Variants in MEI4 observed in about 807,000 individuals in gnomAD.
MEI4 encodes the protein meiosis-specific protein MEI4.
Under a neutral mutation model 31.4 loss-of-function variants are expected in MEI4, and 27 were observed. The observed-to-expected ratio is 0.86, with a 90% confidence interval of 0.63 to 1.19. The LOEUF (loss-of-function observed/expected upper bound fraction) is 1.19, where lower values mean the gene tolerates loss of function less well. Among genes scored for constraint, MEI4 ranks in the 50% most tolerant of loss-of-function variants. The pLI, the probability that MEI4 is intolerant of heterozygous loss-of-function variation, is 0.00. For missense variants in MEI4, 329 were observed against 398.9 expected (o/e 0.82, Z 1.49); for synonymous variants, 122 against 145.4 (o/e 0.84, Z 1.16).
intron 4 of MEI4, among the ~76,000 whole-genome samples, chr6:77,914,861 C>A (rs947577046): frequency 2.6e-5 from 4 of 151,988 alleles, no homozygotes; most frequent in Admixed American, 1.3e-4. Context: ...TCTATTTTAT[C>A]AAAGTATCAC....
intron 4 of MEI4, among the ~76,000 whole-genome samples, chr6:77,870,447 AG>A (rs1205511183): frequency 2.0e-5 from 3 of 152,224 alleles, no homozygotes; most frequent in African/African-American, 7.2e-5. Context: ...AATGAACAAA[AG>A]TATCATCACT....
rs542764678 is a variant in MEI4 at position 77,820,935 on chromosome 6, A to G, written c.769-7996A>G. On this transcript the variant is annotated intron_variant, in intron 3 of 4. Transcript: ENST00000684080. This position sits in a 1 kb window ranked among gnomAD's most constrained non-coding sequence, Gnocchi z 4.5. ...TTTTCTTTTTCTTTTTTTGAATTCT[A>G]TTTAAAGATACTATAGCTTCTTATT... Among the ~76,000 whole-genome samples, 4 of 151,608 alleles carry G rather than the reference A, an allele frequency of 2.6e-5. No individual in the cohort carries two copies. Among genetic ancestry groups the G allele is most frequent in the African/African-American group, 4.8e-5 (2 of 41,406 alleles).
intron 4 of MEI4, among the ~76,000 whole-genome samples, chr6:77,871,177 A>T (rs916921407): frequency 1.3e-5 from 2 of 152,086 alleles, no homozygotes; most frequent in African/African-American, 4.8e-5. Context: ...TTTATAAATG[A>T]AGAGACCTCA....
At chr6:77,690,591 T>A (rs1191064805) in intron 1 of MEI4, 67 bp from the exon 2 acceptor site, 1 of 708,140 alleles carries the variant, frequency 1.4e-6, no homozygotes, top group Non-Finnish European at 2.0e-6. Context: ...AAATCAATTT[T>A]AAGCAAATGA....
chr6:77,841,460 C>G (rs1021753248), intron 4 of MEI4, among the ~76,000 whole-genome samples: 13 of 149,624 alleles, frequency 8.7e-5, no homozygotes, highest in African/African-American at 3.2e-4. Flanking sequence ...CTGACTCAGC[C>G]TCCAGAGTAG....
intron 2 of MEI4, among the ~76,000 whole-genome samples, chr6:77,744,599 G>A (rs573213732): frequency 5.1e-4 from 77 of 152,178 alleles, no homozygotes; most frequent in Non-Finnish European, 1.0e-3. Context: ...CCAACATTCA[G>A]ATTCAGGAAA....
At chr6:77,770,913 G>C (rs963989411) in intron 3 of MEI4, among the ~76,000 whole-genome samples, 2 of 152,004 alleles carry the variant, frequency 1.3e-5, no homozygotes, top group Non-Finnish European at 2.9e-5. Context: ...AAAAACAATT[G>C]CAGCAAAAGA....
intron 3 of MEI4, among the ~76,000 whole-genome samples, chr6:77,818,831 A>G (rs1769748447): frequency 2.0e-5 from 3 of 152,080 alleles, no homozygotes; most frequent in Admixed American, 2.0e-4. Context: ...CCTGGGCTCA[A>G]ACAATCTTCA....
In MEI4 at chr6:77,715,569, T is replaced by C. The variant is rs371809136; in HGVS notation, c.232+24666T>C. Among the ~76,000 whole-genome samples, 9 of 152,340 alleles carry C rather than the reference T, an allele frequency of 5.9e-5. No individual in the cohort carries two copies. The East Asian group carries it at 1.7e-3, about 29-fold the overall frequency. On this transcript the variant is annotated intron_variant, in intron 2 of 4. Coordinates refer to ENST00000684080, the MANE Select transcript of MEI4 (RefSeq NM_001322247.2). Reference sequence around the variant, plus strand: ...TGTGCTTCTTTTTCAGAATTAGGCATATTTTTGTTTTGTCTTCCTATGCTA... The same window carrying C: ...TGTGCTTCTTTTTCAGAATTAGGCACATTTTTGTTTTGTCTTCCTATGCTA...
chr6:77,803,821 G>A (rs911644335), intron 3 of MEI4, among the ~76,000 whole-genome samples: 4 of 152,118 alleles, frequency 2.6e-5, no homozygotes, highest in Admixed American at 6.5e-5. Flanking sequence ...CTGCCCGATC[G>A]TTCCTATGGA....
intron 4 of MEI4, among the ~76,000 whole-genome samples, chr6:77,913,130 G>A (rs1766467594): frequency 6.6e-6 from 1 of 152,114 alleles, no homozygotes; most frequent in Admixed American, 6.6e-5. Context: ...GCATTTCTGG[G>A]ATGAATTCTA....
At chr6:77,656,263 A>AT (rs1194172776) in intron 1 of MEI4, among the ~76,000 whole-genome samples, 9 of 152,168 alleles carry the variant, frequency 5.9e-5, no homozygotes, top group Admixed American at 1.3e-4. Flanking sequence ...TAGAAAATAT[A>AT]TTTCAGAGGC....
chr6:77,742,205 C>T (rs372899514), intron 2 of MEI4, among the ~76,000 whole-genome samples: 1 of 151,852 alleles, frequency 6.6e-6, no homozygotes. Flanking sequence ...CACTGACTTC[C>T]ACAAGGGTTG....
In MEI4 at chr6:77,861,144, T is replaced by G. The variant is rs79180156; in HGVS notation, c.900+32082T>G. On this transcript the variant is annotated intron_variant, in intron 4 of 4. Coordinates refer to ENST00000684080, the MANE Select transcript of MEI4 (RefSeq NM_001322247.2). ...CTTCATTGTCTGCCTCTCTTCACTG[T>G]AGCACAATCTCCATTTGTATGTCTT... Among the ~76,000 whole-genome samples, 1,342 of 152,314 alleles carry G rather than the reference T, an allele frequency of 8.8e-3. 13 individuals carry two copies. The highest frequency in any genetic ancestry group is 0.03 in the African/African-American group (1,245 of 41,574).
chr6:77,887,847 A>G (rs1771661460), intron 4 of MEI4, among the ~76,000 whole-genome samples: 1 of 152,162 alleles, frequency 6.6e-6, no homozygotes, highest in Admixed American at 6.5e-5. Context: ...TAAATGACCT[A>G]ATGCTAGGAA....
chr6:77,733,955 T>G (rs1361574780), intron 2 of MEI4, among the ~76,000 whole-genome samples: 7 of 152,118 alleles, frequency 4.6e-5, no homozygotes, highest in Non-Finnish European at 8.8e-5. Context: ...AGATTCTTAT[T>G]CCTGAGTTCT....
chr6:77,726,328 GACACAGTAACAAT>G (rs1766819823), intron 2 of MEI4, among the ~76,000 whole-genome samples: 1 of 151,880 alleles, frequency 6.6e-6, no homozygotes, highest in African/African-American at 2.4e-5. Flanking sequence ...TTTCTACACA[GACACAGTAACAAT>G]CTGATCTCTC....
intron 3 of MEI4, among the ~76,000 whole-genome samples, chr6:77,790,819 TCAAA>T (rs1768903465): frequency 1.3e-5 from 2 of 152,086 alleles, no homozygotes; most frequent in African/African-American, 4.8e-5. Context: ...CATTATGAAC[TCAAA>T]CAAATTTACA....
rs534302989 is a variant in MEI4 at position 77,823,955 on chromosome 6, GTAATTAGTAATTTTT to G, written c.769-4972_769-4958del. 5.3e-5 allele frequency among the ~76,000 whole-genome samples: 8 copies of G among 152,322 alleles called. No homozygotes were observed. The East Asian group carries it at 1.5e-3, about 29-fold the overall frequency. On this transcript the variant is annotated intron_variant, in intron 3 of 4. Coordinates refer to ENST00000684080, the MANE Select transcript of MEI4 (RefSeq NM_001322247.2). Reference sequence around the variant, plus strand: ...AGTTATGTTTCCTTAATTCAGAGTAGTAATTAGTAATTTTTTAAATCTGGCAAGTGGTTGAACACT... The same window carrying G: ...AGTTATGTTTCCTTAATTCAGAGTAGTAAATCTGGCAAGTGGTTGAACACT...
Sources: allele counts gnomAD v4.1 joint callset (sites outside exome capture counted in the v4.1 genomes callset), GRCh38; gene constraint gnomAD v4.1.1; non-coding constraint Gnocchi (gnomAD v3.1); transcripts MANE v1.5; gene names NCBI Gene and HGNC (gene_info 2026-07-23, HGNC 2026-07-21).